Variants in OSBPL1A observed in about 807,000 individuals in gnomAD.
OSBPL1A encodes the protein oxysterol binding protein like 1A, also known as oxysterol-binding protein-related protein 1.
A neutral mutation model predicts 137.1 loss-of-function variants in OSBPL1A; 80 were observed. That is an observed-to-expected ratio of 0.58 (90% confidence interval 0.49 to 0.70). The LOEUF is 0.70. OSBPL1A is among the 30% of genes least tolerant of loss of function. The pLI, the probability that OSBPL1A is intolerant of heterozygous loss-of-function variation, is 0.00. For synonymous variants in OSBPL1A, 365 were observed against 389.7 expected (o/e 0.94, Z 0.75); for missense variants, 970 against 1,129.4 (o/e 0.86, Z 2.02).
At chr18:24,272,556 C>CA (rs1360647517) in intron 15 of OSBPL1A, among the ~76,000 whole-genome samples, 11 of 152,118 alleles carry the variant, frequency 7.2e-5, no homozygotes, top group Admixed American at 2.0e-4. Flanking sequence ...ACCCAAATAC[C>CA]ACACTTAAGT....
At chr18:24,316,956 C>T (rs1253275140) in intron 11 of OSBPL1A, among the ~76,000 whole-genome samples, 193 bp downstream of exon 11, 1 of 152,122 alleles carries the variant, frequency 6.6e-6, no homozygotes, top group Non-Finnish European at 1.5e-5. Context: ...TAAAAGTTAA[C>T]TATATTTTAA....
intron 4 of OSBPL1A, among the ~76,000 whole-genome samples, chr18:24,345,287 A>T (rs2091328006): frequency 6.6e-6 from 1 of 152,154 alleles, no homozygotes; most frequent in Non-Finnish European, 1.5e-5. Context: ...AAATAAGAAA[A>T]CAGAAACTCT....
intron 18 of OSBPL1A, 55 bp from the exon 19 acceptor site, chr18:24,181,334 T>C (rs1161785639): frequency 7.0e-5 from 108 of 1,547,802 alleles, no homozygotes; most frequent in Non-Finnish European, 8.8e-7. Context: ...CAAACAAACC[T>C]ATTGTTATCT....
At chr18:24,394,249 G>C (rs1014159252) in intron 1 of OSBPL1A, among the ~76,000 whole-genome samples, 3 of 151,982 alleles carry the variant, frequency 2.0e-5, no homozygotes, top group Admixed American at 6.6e-5. Context: ...ACACCAACTT[G>C]GATACCATAC....
At chr18:24,357,163 G>T (rs573958040) in intron 4 of OSBPL1A, 1 of 152,106 alleles carries the variant, frequency 6.6e-6, no homozygotes, top group Non-Finnish European at 1.5e-5. Context: ...TTAAGGACAC[G>T]CACCCAGGAG....
intron 27 of OSBPL1A, 24 bp from the exon 28 acceptor site, chr18:24,163,305 C>T (rs758981848): frequency 1.8e-5 from 27 of 1,519,408 alleles, no homozygotes; most frequent in Non-Finnish European, 2.3e-5. Flanking sequence ...AAGGACAAGA[C>T]TTACAGGGGA....
At chr18:24,164,664 A>G (rs12606730) in intron 27 of OSBPL1A, among the ~76,000 whole-genome samples, 148,399 of 151,698 alleles carry the variant, frequency 0.98, 72,664 homozygotes, top group East Asian at 1. Context: ...TCCTGACCTC[A>G]TGATCCGCCC....
intron 18 of OSBPL1A, among the ~76,000 whole-genome samples, chr18:24,187,999 T>C (rs146798982): frequency 7.2e-5 from 11 of 152,220 alleles, no homozygotes; most frequent in Admixed American, 1.3e-4. Flanking sequence ...CAGGGTGGGA[T>C]TGATCATAAA....
At chr18:24,242,336 TAAA>T (rs573041454) in intron 15 of OSBPL1A, among the ~76,000 whole-genome samples, 4 of 142,724 alleles carry the variant, frequency 2.8e-5, no homozygotes, top group Admixed American at 1.4e-4. Context: ...GTTAGGGGGT[TAAA>T]AAAAAAAAAG....
chr18:24,180,061 A>G (rs2086559572), intron 19 of OSBPL1A, among the ~76,000 whole-genome samples: 1 of 152,204 alleles, frequency 6.6e-6, no homozygotes, highest in South Asian at 2.1e-4. Flanking sequence ...CATGGTTTTC[A>G]TCACACTCTA....
At chr18:24,268,436 A>C (rs922828881) in intron 15 of OSBPL1A, among the ~76,000 whole-genome samples, 1 of 152,144 alleles carries the variant, frequency 6.6e-6, no homozygotes, top group African/African-American at 2.4e-5. Context: ...GAAGCTTCTA[A>C]AACTTCCAAA....
chr18:24,219,716 A>G (rs1178598295), intron 17 of OSBPL1A, among the ~76,000 whole-genome samples: 1 of 152,150 alleles, frequency 6.6e-6, no homozygotes, highest in Non-Finnish European at 1.5e-5. Context: ...TCTCCAAAAG[A>G]GCAACTCCTA....
intron 18 of OSBPL1A, among the ~76,000 whole-genome samples, chr18:24,185,408 C>G (rs2086721060): frequency 6.6e-6 from 1 of 151,862 alleles, no homozygotes; most frequent in African/African-American, 2.4e-5. Context: ...CAACCTCCGC[C>G]TCCTGGGTTC....
At chr18:24,183,591 C>G (rs935903835) in intron 18 of OSBPL1A, among the ~76,000 whole-genome samples, 3 of 151,382 alleles carry the variant, frequency 2.0e-5, no homozygotes, top group Non-Finnish European at 4.4e-5. Flanking sequence ...CAGCACCATG[C>G]CTGGCTAATT....
intron 14 of OSBPL1A, among the ~76,000 whole-genome samples, chr18:24,303,221 G>A (rs1055169783): frequency 6.6e-5 from 10 of 152,024 alleles, no homozygotes; most frequent in South Asian, 2.1e-4. Context: ...GGCCAGTCTC[G>A]AACTCCTGAC....
intron 18 of OSBPL1A, among the ~76,000 whole-genome samples, chr18:24,194,863 G>T (rs1439890095): frequency 6.6e-6 from 1 of 152,138 alleles, no homozygotes; most frequent in Non-Finnish European, 1.5e-5. Context: ...ACATTATCAG[G>T]CTCCGAAATT....
intron 17 of OSBPL1A, 33 bp downstream of exon 17, chr18:24,225,009 C>T (rs775169114): frequency 9.9e-6 from 16 of 1,611,262 alleles, no homozygotes; most frequent in Middle Eastern, 1.7e-4. Flanking sequence ...ATCGTAAAAA[C>T]GCAGCAGTGA....
chr18:24,266,175 G>A (rs565770790), intron 15 of OSBPL1A, among the ~76,000 whole-genome samples: 2 of 152,250 alleles, frequency 1.3e-5, no homozygotes, highest in Non-Finnish European at 2.9e-5. Context: ...CATGCCTGGG[G>A]ACCCTACATA....
At chr18:24,281,751 C>A (rs2089963585) in intron 14 of OSBPL1A, among the ~76,000 whole-genome samples, 1 of 152,114 alleles carries the variant, frequency 6.6e-6, no homozygotes, top group African/African-American at 2.4e-5. Flanking sequence ...TAAATTGGTA[C>A]AGAAAAAGAA....
Sources: gnomAD v4.1 joint callset for allele counts (sites outside exome capture counted in the v4.1 genomes callset) on GRCh38, gnomAD v4.1.1 for gene constraint, MANE v1.5 for transcripts, NCBI Gene and HGNC (gene_info 2026-07-23, HGNC 2026-07-21) for gene names.